Variants in TAB2 observed in about 807,000 individuals in gnomAD.
The protein encoded by TAB2 is TGF-beta activated kinase 1 (MAP3K7) binding protein 2.
In TAB2, 3 loss-of-function variants were observed where a neutral mutation model predicts 65.0. That is an observed-to-expected ratio of 0.05 (90% confidence interval 0.02 to 0.12). The LOEUF (loss-of-function observed/expected upper bound fraction) is 0.12, where lower values mean the gene tolerates loss of function less well. Among genes scored for constraint, TAB2 ranks in the 10% least tolerant of loss-of-function variants. TAB2 has a pLI of 1.00. For missense variants in TAB2, 623 were observed against 840.3 expected (o/e 0.74, Z 3.20); for synonymous variants, 298 against 285.1 (o/e 1.05, Z -0.46).
intron 1 of TAB2, among the ~76,000 whole-genome samples, chr6:149,240,736 A>G (rs576849185): frequency 6.6e-6 from 1 of 152,266 alleles, no homozygotes; most frequent in East Asian, 1.9e-4. Context: ...AATTTTGTTT[A>G]TTATTTTTGG....
At chr6:149,226,015 A>G (rs1054606690) in intron 1 of TAB2, among the ~76,000 whole-genome samples, 1 of 152,082 alleles carries the variant, frequency 6.6e-6, no homozygotes, top group Non-Finnish European at 1.5e-5. Flanking sequence ...CTGTGCTCTC[A>G]GAAGCTCTGA....
At chr6:149,229,111 C>T (rs541719215) in intron 1 of TAB2, among the ~76,000 whole-genome samples, 2 of 152,256 alleles carry the variant, frequency 1.3e-5, no homozygotes, top group East Asian at 1.9e-4. Context: ...AAGAATAAAG[C>T]TCAAACAAGC....
At position 149,378,890 on chromosome 6, in the gene TAB2, G is replaced by A. The variant is rs143053730; in HGVS notation, c.975G>A (p.Gln325=). 1 of 1,614,100 alleles carries A rather than the reference G, an allele frequency of 6.2e-7. No homozygotes were observed. The highest frequency in any genetic ancestry group is 8.5e-7 in the Non-Finnish European group (1 of 1,180,044). Residue 325 remains glutamine (Q), a synonymous_variant, in exon 3 of 7, where the codon CAG becomes CAA. Transcript: ENST00000637181. The stretch of plus-strand genomic sequence containing the variant: ...TTTCAACAGGACCTCGAAAAAACCA[G>A]ATTGAAATCAAACTTGAACCCCCAC... ...QNISTGPRKN[Q]IEIKLEPPQR...
intron 2 of TAB2, among the ~76,000 whole-genome samples, chr6:149,376,583 C>G (rs1281328405): frequency 6.6e-6 from 1 of 152,176 alleles, no homozygotes; most frequent in Non-Finnish European, 1.5e-5. Flanking sequence ...TCTACATATT[C>G]TATGAAAACC....
intron 1 of TAB2, among the ~76,000 whole-genome samples, chr6:149,251,309 A>G (rs1460265038): frequency 6.6e-6 from 1 of 152,064 alleles, no homozygotes; most frequent in Non-Finnish European, 1.5e-5. Flanking sequence ...CCTTTTCATA[A>G]GTCTCTGGGG....
chr6:149,300,790 G>C (rs557528283), intron 1 of TAB2, among the ~76,000 whole-genome samples: 2 of 152,140 alleles, frequency 1.3e-5, no homozygotes, highest in African/African-American at 2.4e-5. Context: ...GAGCACTGGG[G>C]GGGTGAAAGG....
At chr6:149,336,135 T>C (rs1386253421) in intron 1 of TAB2, among the ~76,000 whole-genome samples, 2 of 152,212 alleles carry the variant, frequency 1.3e-5, no homozygotes, top group Non-Finnish European at 2.9e-5. Flanking sequence ...TCATAGATTC[T>C]AGAACAGTGC....
chr6:149,346,216 T>G (rs1780293084), intron 1 of TAB2, among the ~76,000 whole-genome samples: 1 of 152,130 alleles, frequency 6.6e-6, no homozygotes, highest in Non-Finnish European at 1.5e-5. Flanking sequence ...TTTGTCTAAC[T>G]TGTGAACTTA....
In TAB2 at chr6:149,333,597, T is replaced by C. The variant is rs573071146; in HGVS notation, c.-90+15582T>C. Among the ~76,000 whole-genome samples the C allele has an allele frequency of 5.9e-5, 9 of 152,280 alleles. No individual in the cohort carries two copies. The South Asian group carries it at 1.9e-3, about 32-fold the overall frequency. ...AGTATTTTTATATACCTTTCCACTT[T>C]TGAGCTTTACAAGACAAAAATACCC... On this transcript the variant is annotated intron_variant, in intron 1 of 6. Transcript: ENST00000637181.
intron 3 of TAB2, among the ~76,000 whole-genome samples, chr6:149,389,856 T>C (rs1781926261): frequency 6.6e-6 from 1 of 152,174 alleles, no homozygotes; most frequent in African/African-American, 2.4e-5. Context: ...GCCAGCAAAT[T>C]ATTATCTAGC....
intron 1 of TAB2, among the ~76,000 whole-genome samples, chr6:149,289,660 G>GA (rs1477924937): frequency 6.6e-6 from 1 of 152,134 alleles, no homozygotes; most frequent in Non-Finnish European, 1.5e-5. Context: ...CACTGCTGTT[G>GA]ATGAAAAAAG....
chr6:149,271,098 C>G (rs1471454260), intron 1 of TAB2, among the ~76,000 whole-genome samples: 1 of 151,646 alleles, frequency 6.6e-6, no homozygotes, highest in Non-Finnish European at 1.5e-5. Flanking sequence ...CTGTTAGCTA[C>G]TTGGGAGGCT....
chr6:149,241,513 T>A (rs1266850460), intron 1 of TAB2, among the ~76,000 whole-genome samples: 1 of 152,248 alleles, frequency 6.6e-6, no homozygotes, highest in Non-Finnish European at 1.5e-5. Flanking sequence ...AAAGATATTT[T>A]AGCTTAAATA....
chr6:149,390,838 C>T (rs1781959617), intron 3 of TAB2, among the ~76,000 whole-genome samples: 1 of 152,130 alleles, frequency 6.6e-6, no homozygotes, highest in South Asian at 2.1e-4. Context: ...ATCATCTGTT[C>T]ACTGCAAAGC....
intron 1 of TAB2, among the ~76,000 whole-genome samples, chr6:149,295,944 G>A (rs1225785672): frequency 6.6e-6 from 1 of 152,004 alleles, no homozygotes; most frequent in Non-Finnish European, 1.5e-5. Context: ...GCTAATTTTT[G>A]TACTTTTAGT....
At chr6:149,313,308 T>TCATGAGATCCTCCCACCTCAGCC (rs1562410110), upstream of TAB2, among the ~76,000 whole-genome samples, 3 of 151,694 alleles carry the variant, frequency 2.0e-5, no homozygotes, top group Non-Finnish European at 4.4e-5. Context: ...CCACCTCAGC[T>TCATGAGATCCTCCCACCTCAGCC]CTCTCTCTCC....
chr6:149,375,940 CTG>C (rs1781383343), intron 2 of TAB2, among the ~76,000 whole-genome samples: 1 of 152,122 alleles, frequency 6.6e-6, no homozygotes, highest in African/African-American at 2.4e-5. Flanking sequence ...ACAATGTGAA[CTG>C]TCATTTCCTT....
At chr6:149,227,348 A>G (rs1394723114) in intron 1 of TAB2, among the ~76,000 whole-genome samples, 3 of 152,170 alleles carry the variant, frequency 2.0e-5, no homozygotes, top group African/African-American at 7.2e-5. Flanking sequence ...CTTTTGGTTG[A>G]AAATATTAAA....
intron 4 of TAB2, 48 bp downstream of exon 4, chr6:149,397,812 G>A (rs757470628): frequency 1.9e-6 from 3 of 1,604,546 alleles, no homozygotes; most frequent in Non-Finnish European, 2.6e-6. Flanking sequence ...CATGAGAGTA[G>A]GCCATCTAAC....
Sources: allele counts gnomAD v4.1 joint callset (sites outside exome capture counted in the v4.1 genomes callset), GRCh38; gene constraint gnomAD v4.1.1; transcripts MANE v1.5; gene names NCBI Gene and HGNC (gene_info 2026-07-23, HGNC 2026-07-21).